The following MACROD2 variants were observed in gnomAD, a reference collection of about 807,000 sequenced individuals.
MACROD2 encodes the protein ADP-ribose glycohydrolase MACROD2.
Under a neutral mutation model 70.4 loss-of-function variants are expected in MACROD2, and 36 were observed. The observed-to-expected ratio is 0.51, with a 90% CI of 0.39 to 0.68. MACROD2 has a LOEUF of 0.68. Ranked by LOEUF, MACROD2 falls within the 30% of genes least tolerant of loss-of-function variation. The pLI is 0.00. For synonymous variants in MACROD2, 172 were observed against 178.8 expected, an observed-to-expected ratio of 0.96 and a Z score of 0.30; for missense variants, 496 against 538.4, an observed-to-expected ratio of 0.92 and a Z score of 0.78.
intron 5 of MACROD2, among the ~76,000 whole-genome samples, chr20:14,951,915 ATTT>A (rs11468856): frequency 0.035 from 4,653 of 133,636 alleles, 252 homozygotes; most frequent in African/African-American, 0.11. Flanking sequence ...CAGCTTCTCC[ATTT>A]TTTTTTTTTT....
At chr20:14,248,885 A>G (rs888948747) in intron 3 of MACROD2, among the ~76,000 whole-genome samples, 4 of 151,998 alleles carry the variant, frequency 2.6e-5, no homozygotes, top group African/African-American at 9.7e-5. Context: ...TCGATATGAG[A>G]TTAGATTTTT....
chr20:14,218,516 G>A (rs1247471244), intron 3 of MACROD2, among the ~76,000 whole-genome samples: 2 of 152,164 alleles, frequency 1.3e-5, no homozygotes, highest in Non-Finnish European at 2.9e-5. Flanking sequence ...TTCAATGTTA[G>A]TATTGAAATG....
At chr20:16,028,831 G>A (rs1206756556) in intron 15 of MACROD2, among the ~76,000 whole-genome samples, 1 of 152,068 alleles carries the variant, frequency 6.6e-6, no homozygotes, top group Non-Finnish European at 1.5e-5. Flanking sequence ...GAGGCTATTT[G>A]GAAAAAACAG....
At chr20:14,202,551 A>T (rs2081487804) in intron 3 of MACROD2, among the ~76,000 whole-genome samples, 1 of 152,170 alleles carries the variant, frequency 6.6e-6, no homozygotes, top group Non-Finnish European at 1.5e-5. Context: ...TTTGTAACTT[A>T]CTTTTGCTTA....
chr20:14,981,163 G>T (rs1039167348), intron 5 of MACROD2, among the ~76,000 whole-genome samples: 2 of 151,868 alleles, frequency 1.3e-5, no homozygotes, highest in African/African-American at 4.8e-5. Flanking sequence ...TCGCGTTCAA[G>T]GTCCTACACT....
intron 3 of MACROD2, among the ~76,000 whole-genome samples, chr20:14,276,540 A>G (rs937588836): frequency 1.1e-4 from 16 of 150,704 alleles, no homozygotes; most frequent in Admixed American, 7.9e-4. Flanking sequence ...TGACGAGTCA[A>G]TGGGTGCAGC....
At chr20:14,245,126 A>G (rs1008598914) in intron 3 of MACROD2, among the ~76,000 whole-genome samples, 10 of 152,188 alleles carry the variant, frequency 6.6e-5, no homozygotes, top group African/African-American at 2.4e-4. Context: ...GCACTTTGGG[A>G]GGCTGAGGTG....
At chr20:14,526,908 CTG>C (rs1355871878) in intron 4 of MACROD2, among the ~76,000 whole-genome samples, 2 of 152,232 alleles carry the variant, frequency 1.3e-5, no homozygotes, top group Non-Finnish European at 2.9e-5. Flanking sequence ...CTCAGTTAGA[CTG>C]TGGTCTTAAT....
chr20:15,299,183 G>A (rs1171954112), intron 6 of MACROD2, among the ~76,000 whole-genome samples: 1 of 152,236 alleles, frequency 6.6e-6, no homozygotes, highest in African/African-American at 2.4e-5. Context: ...GTGTGTGTGT[G>A]TAAACTAGTA....
chr20:14,119,294 A>C (rs965852365), intron 3 of MACROD2, among the ~76,000 whole-genome samples: 2 of 149,732 alleles, frequency 1.3e-5, no homozygotes, highest in African/African-American at 4.9e-5. Flanking sequence ...CAGCCTCCCA[A>C]GTAGCTGGGA....
intron 5 of MACROD2, among the ~76,000 whole-genome samples, chr20:14,948,930 T>C (rs1286699159): frequency 1.3e-5 from 2 of 152,138 alleles, no homozygotes; most frequent in African/African-American, 4.8e-5. Context: ...CAAAGCAAAT[T>C]GTGTGTATAA....
intron 8 of MACROD2, among the ~76,000 whole-genome samples, chr20:15,605,508 C>T (rs1185821479): frequency 6.9e-6 from 1 of 145,406 alleles, no homozygotes; most frequent in East Asian, 2.0e-4. Context: ...TGGTTCTCAA[C>T]CCTGATTTTT....
intron 15 of MACROD2, among the ~76,000 whole-genome samples, chr20:15,987,429 G>A (rs547276221): frequency 6.6e-6 from 1 of 152,208 alleles, no homozygotes; most frequent in African/African-American, 2.4e-5. Context: ...TTACAGTATT[G>A]AGAAAGCCTA....
chr20:15,558,129 A>T (rs2048193247), intron 8 of MACROD2, among the ~76,000 whole-genome samples: 1 of 152,226 alleles, frequency 6.6e-6, no homozygotes. Flanking sequence ...TATCGTGTCA[A>T]TGGAAATTCA....
intron 8 of MACROD2, among the ~76,000 whole-genome samples, chr20:15,546,245 CA>C (rs1206745175): frequency 7.3e-5 from 11 of 150,968 alleles, no homozygotes; most frequent in Non-Finnish European, 1.6e-4. Context: ...AACTCCATCT[CA>C]AAAAAAAGAG....
At chr20:15,406,995 C>T (rs994219607) in intron 6 of MACROD2, among the ~76,000 whole-genome samples, 2 of 152,146 alleles carry the variant, frequency 1.3e-5, no homozygotes, top group Admixed American at 1.3e-4. Flanking sequence ...TGAGCCTACG[C>T]AGTGATCAAC....
intron 4 of MACROD2, among the ~76,000 whole-genome samples, chr20:14,575,643 C>G (rs1437091218): frequency 6.6e-6 from 1 of 152,048 alleles, no homozygotes. Context: ...CTTAGTAGTC[C>G]TCCTTCTAAT....
chr20:16,050,247 G>C lies in MACROD2; in HGVS notation c.*371G>C, dbSNP rs981131874. The stretch of plus-strand genomic sequence containing the variant: ...GTTATTTCACAAAGCTGGTCACACA[G>C]TGGTTTATTCAAAGGAAGGGGAGGA... On this transcript the variant is annotated 3_prime_UTR_variant, in exon 18 of 18. Coordinates refer to ENST00000684519, the MANE Select transcript of MACROD2 (RefSeq NM_001351661.2). 2.3e-5 allele frequency: 4 copies of C among 173,794 alleles called. No individual in the cohort carries two copies. The highest frequency in any genetic ancestry group is 9.5e-5 in the African/African-American group (4 of 41,898). The allele number at this position is 173,794 out of a possible 1,614,324, so 10.8% of individuals were successfully genotyped here.
At chr20:15,465,523 C>A (rs1397537072) in intron 7 of MACROD2, among the ~76,000 whole-genome samples, 1 of 152,256 alleles carries the variant, frequency 6.6e-6, no homozygotes, top group African/African-American at 2.4e-5. Flanking sequence ...GCAGAATTTT[C>A]TCCTCATAAC....
Sources: allele counts gnomAD v4.1 joint callset (sites outside exome capture counted in the v4.1 genomes callset), GRCh38; gene constraint gnomAD v4.1.1; transcripts MANE v1.5; gene names NCBI Gene and HGNC (gene_info 2026-07-23, HGNC 2026-07-21).